The following DCDC1 variants were observed in gnomAD, a reference collection of about 807,000 sequenced individuals.
DCDC1 encodes doublecortin domain containing 1, also known as doublecortin domain-containing protein 1.
DCDC1 carries 200 observed loss-of-function variants against 178.3 expected under a neutral mutation model. The ratio of observed to expected loss-of-function variants is 1.12; its 90% CI spans 1.00 to 1.26. DCDC1 has a LOEUF of 1.26. Among genes scored for constraint, DCDC1 ranks in the 50% most tolerant of loss-of-function variants. The pLI, the probability that DCDC1 is intolerant of heterozygous loss-of-function variation, is 0.00. For missense variants in DCDC1, 1,983 were observed against 1,749.2 expected (o/e 1.13, Z -2.38); for synonymous variants, 690 against 604.8 (o/e 1.14, Z -2.07).
chr11:31,234,154 A>T (rs1976164938), intron 9 of DCDC1, among the ~76,000 whole-genome samples: 1 of 152,198 alleles, frequency 6.6e-6, no homozygotes, highest in Non-Finnish European at 1.5e-5. Context: ...TTTTCCATGC[A>T]TGACTGGCTA....
chr11:31,310,525 T>G (rs1047955846), intron 3 of DCDC1, among the ~76,000 whole-genome samples: 3 of 151,900 alleles, frequency 2.0e-5, no homozygotes, highest in Non-Finnish European at 4.4e-5. Flanking sequence ...TTCACCATGT[T>G]AGCCAGGATG....
intron 11 of DCDC1, among the ~76,000 whole-genome samples, chr11:31,123,043 G>C (rs375486240): frequency 7.2e-5 from 11 of 151,910 alleles, no homozygotes; most frequent in African/African-American, 2.4e-4. Flanking sequence ...CAAACATAAA[G>C]GTGTCACTAT....
chr11:30,978,205 G>C (rs545569790), intron 20 of DCDC1, among the ~76,000 whole-genome samples: 34 of 152,314 alleles, frequency 2.2e-4, no homozygotes, highest in Middle Eastern at 3.4e-3. Context: ...ATTCTCACAC[G>C]AATCTGAAGA....
intron 7 of DCDC1, among the ~76,000 whole-genome samples, chr11:31,266,100 T>C (rs563735636): frequency 6.6e-6 from 1 of 152,182 alleles, no homozygotes; most frequent in Admixed American, 6.5e-5. Context: ...TTTCCAAATG[T>C]CCTAAAATAA....
intron 1 of DCDC1, among the ~76,000 whole-genome samples, chr11:31,365,215 T>C (rs764053251): frequency 3.0e-4 from 46 of 152,166 alleles, no homozygotes; most frequent in Non-Finnish European, 5.6e-4. Flanking sequence ...ATTGAGTCAA[T>C]AGGTGAATGA....
At chr11:30,941,510 C>T (rs1294504573) in intron 21 of DCDC1, among the ~76,000 whole-genome samples, 1 of 152,126 alleles carries the variant, frequency 6.6e-6, no homozygotes. Context: ...ATGCTATTTT[C>T]CTAGAGATCT....
chr11:31,025,046 T>A (rs1439655043), intron 20 of DCDC1, among the ~76,000 whole-genome samples: 1 of 151,874 alleles, frequency 6.6e-6, no homozygotes, highest in Non-Finnish European at 1.5e-5. Context: ...ATGTATCACT[T>A]CATAATTCTG....
intron 24 of DCDC1, 45 bp from the exon 25 acceptor site, chr11:30,920,980 G>T (rs765961706): frequency 6.4e-7 from 1 of 1,552,326 alleles, no homozygotes; most frequent in South Asian, 1.2e-5. Flanking sequence ...ACTTACAATT[G>T]CAGAGCATCA....
chr11:31,250,385 T>C (rs894444274), intron 8 of DCDC1, among the ~76,000 whole-genome samples: 2 of 92,790 alleles, frequency 2.2e-5, no homozygotes, highest in African/African-American at 8.3e-5. Flanking sequence ...AGTGAATGAA[T>C]ACACACACAC....
At chr11:31,358,166 C>T (rs1263628832) in intron 1 of DCDC1, among the ~76,000 whole-genome samples, 2 of 151,454 alleles carry the variant, frequency 1.3e-5, no homozygotes, top group Non-Finnish European at 3.0e-5. Context: ...CTGGAGGCAT[C>T]ACGCTACCTG....
At chr11:30,977,184 G>A (rs1950150071) in intron 20 of DCDC1, among the ~76,000 whole-genome samples, 1 of 150,930 alleles carries the variant, frequency 6.6e-6, no homozygotes, top group African/African-American at 2.5e-5. Flanking sequence ...AAGGTGTGTG[G>A]TTGGGGATTG....
At chr11:31,350,172 T>C (rs1951003386) in intron 1 of DCDC1, among the ~76,000 whole-genome samples, 1 of 152,162 alleles carries the variant, frequency 6.6e-6, no homozygotes, top group Non-Finnish European at 1.5e-5. Context: ...TGAAAGCCCA[T>C]CTAACAGTAC....
intron 10 of DCDC1, among the ~76,000 whole-genome samples, chr11:31,130,576 T>A (rs532977692): frequency 6.6e-6 from 1 of 152,300 alleles, no homozygotes; most frequent in South Asian, 2.1e-4. Flanking sequence ...AAAAAATGAA[T>A]ACTTGTTTTA....
intron 20 of DCDC1, among the ~76,000 whole-genome samples, chr11:31,062,551 T>C (rs1955991225): frequency 6.6e-6 from 1 of 152,110 alleles, no homozygotes. Flanking sequence ...GGAACTTAAG[T>C]TTCTGTACCG....
chr11:30,982,001 C>T (rs940164423), intron 20 of DCDC1, among the ~76,000 whole-genome samples: 12 of 151,984 alleles, frequency 7.9e-5, no homozygotes, highest in Non-Finnish European at 1.8e-4. Flanking sequence ...ATTGCTTATG[C>T]CTATTTTTAT....
intron 7 of DCDC1, among the ~76,000 whole-genome samples, chr11:31,270,849 T>C (rs1020636318): frequency 1.3e-5 from 2 of 152,178 alleles, no homozygotes; most frequent in African/African-American, 4.8e-5. Flanking sequence ...TTACTACACA[T>C]AGCTTGCAAA....
intron 20 of DCDC1, among the ~76,000 whole-genome samples, chr11:31,046,331 TAGGAAA>T (rs1161773808): frequency 6.6e-6 from 1 of 152,072 alleles, no homozygotes; most frequent in Non-Finnish European, 1.5e-5. Flanking sequence ...TAACCATTCA[TAGGAAA>T]AGCCTTTCTG....
chr11:30,872,407 A>G (rs555893084), intron 38 of DCDC1, among the ~76,000 whole-genome samples: 1 of 152,292 alleles, frequency 6.6e-6, no homozygotes, highest in South Asian at 2.1e-4. Context: ...ATAATTTTAC[A>G]TTGATGATAT....
intron 9 of DCDC1, among the ~76,000 whole-genome samples, chr11:31,140,253 G>T (rs929971660): frequency 1.3e-5 from 2 of 152,092 alleles, no homozygotes; most frequent in African/African-American, 2.4e-5. Flanking sequence ...TTCTGAGGTT[G>T]ATTTTTCATG....
Sources: allele counts gnomAD v4.1 joint callset (sites outside exome capture counted in the v4.1 genomes callset), GRCh38; gene constraint gnomAD v4.1.1; transcripts MANE v1.5; gene names NCBI Gene and HGNC (gene_info 2026-07-23, HGNC 2026-07-21).